CSE1L: variants seen among roughly 807,000 people sequenced by gnomAD.
CSE1L encodes exportin-2.
In CSE1L, 24 loss-of-function variants were observed where a neutral mutation model predicts 120.4. That is an observed-to-expected ratio of 0.20 (90% CI 0.14 to 0.28). CSE1L has a LOEUF of 0.28. Ranked by LOEUF, CSE1L falls within the 10% of genes least tolerant of loss-of-function variation. CSE1L has a pLI of 1.00. For missense variants in CSE1L, 830 were observed against 1,145.2 expected (o/e 0.72, Z 3.97); for synonymous variants, 402 against 398.3 (o/e 1.01, Z -0.11).
At chr20:49,073,350 G>A (rs1427616056) in intron 10 of CSE1L, among the ~76,000 whole-genome samples, 2 of 152,114 alleles carry the variant, frequency 1.3e-5, no homozygotes, top group Non-Finnish European at 2.9e-5. Flanking sequence ...GAATAGAAAT[G>A]ATAACTTTAT....
intron 13 of CSE1L, among the ~76,000 whole-genome samples, chr20:49,078,173 T>C (rs1830018415): frequency 6.6e-6 from 1 of 152,194 alleles, no homozygotes; most frequent in Non-Finnish European, 1.5e-5. Context: ...TCAAGAATTA[T>C]TAACATTTGG....
chr20:49,063,264 C>A lies in CSE1L; in HGVS notation c.148C>A (p.Leu50Met). 1 of 1,591,658 alleles carries A rather than the reference C, an allele frequency of 6.3e-7. No individual in the cohort carries two copies. Among genetic ancestry groups the A allele is most frequent in the Non-Finnish European group, 8.6e-7 (1 of 1,167,528 alleles). Reference sequence around the variant, plus strand: ...TTATCCACTGTTGCTTTTGACATTACTGGAGAAGTCCCAGGATAATGTTAT... The same window carrying A: ...TTATCCACTGTTGCTTTTGACATTAATGGAGAAGTCCCAGGATAATGTTAT... ...QNYPLLLLTL[L>M]EKSQDNVIKV... Residue 50 changes from leucine (L) to methionine (M), a missense_variant, in exon 3 of 25, where the codon CTG becomes ATG. Leu to Met is a conservative substitution (Grantham distance 15). Around this residue, in one of 4 missense-constraint regions of CSE1L, gnomAD observed 543 missense variants for 640.2 expected, o/e 0.85. Coordinates refer to ENST00000262982, the MANE Select transcript of CSE1L (RefSeq NM_001316.4).
rs529576027 is a variant in CSE1L, at chr20:49,076,926, A to G, written c.1336-54A>G. 9.9e-6 allele frequency: 11 copies of G among 1,108,932 alleles called. No individual in the cohort carries two copies. The African/African-American group carries it at 1.6e-4, about 16-fold the overall frequency. The allele number at this position is 1,108,932 out of a possible 1,614,324, so 68.7% of individuals were successfully genotyped here. A position where few individuals can be genotyped will look rare whatever the true frequency, so the allele number is the denominator to read the frequency against. ...TAAAATTGCCTGAATTTCTAATGTGATAGATATATACAGGTATTTTGTTAT... is the reference window on the plus strand; with the variant it reads ...TAAAATTGCCTGAATTTCTAATGTGGTAGATATATACAGGTATTTTGTTAT... On this transcript the variant is annotated intron_variant, in intron 12 of 24. Transcript: ENST00000262982.
chr20:49,062,556 C>T lies in CSE1L; in HGVS notation c.86-646C>T, dbSNP rs79148147. ...GAAGTTTTTAGGTTTTTTTTTAGTTCGACAAGAAAGCTTAGGGCTGGTAAG... is the reference window on the plus strand; with the variant it reads ...GAAGTTTTTAGGTTTTTTTTTAGTTTGACAAGAAAGCTTAGGGCTGGTAAG... On this transcript the variant is annotated intron_variant, in intron 2 of 24. Transcript: ENST00000262982. Among the ~76,000 whole-genome samples the T allele has an allele frequency of 3.9e-3, 588 of 151,276 alleles. 4 individuals are homozygous for T. The highest frequency in any genetic ancestry group is 0.013 in the African/African-American group (530 of 41,222).
intron 1 of CSE1L, among the ~76,000 whole-genome samples, chr20:49,052,199 C>T (rs2091771392): frequency 6.6e-6 from 1 of 152,172 alleles, no homozygotes; most frequent in Admixed American, 6.6e-5. Context: ...CATGTTGTGA[C>T]TTATCCTTTA....
At chr20:49,076,813 G>C (rs949088972) in intron 12 of CSE1L, among the ~76,000 whole-genome samples, 167 bp from the exon 13 acceptor site, 4 of 152,120 alleles carry the variant, frequency 2.6e-5, no homozygotes, top group African/African-American at 9.7e-5. Context: ...TTACAGCCGT[G>C]AGCTCCTGTA....
intron 13 of CSE1L, among the ~76,000 whole-genome samples, chr20:49,078,051 C>G (rs1245342260): frequency 6.6e-6 from 1 of 152,030 alleles, no homozygotes. Context: ...ATGTATTGAT[C>G]TAGATCCAGA....
intron 1 of CSE1L, among the ~76,000 whole-genome samples, chr20:49,048,183 C>A (rs1483415581): frequency 3.5e-5 from 5 of 141,728 alleles, no homozygotes; most frequent in African/African-American, 1.1e-4. Context: ...TTCAGAGGAT[C>A]CTAATGGACC....
At position 49,089,711 on chromosome 20, in the gene CSE1L, T is replaced by C. The variant is rs1464820857; in HGVS notation, c.2146T>C (p.Ser716Pro). The C allele has an allele frequency of 1.9e-6, 3 of 1,614,090 alleles. No homozygotes were observed. In the African/African-American group the frequency reaches 4.0e-5, roughly 22 times the overall value. ...TCTTCAAGCATTCTTAGAACGCGGT[T>C]CAAACACAATAGCAAGTGCTGCAGC... is the stretch of plus-strand genomic sequence containing the variant. ...RLLQAFLERG[S>P]NTIASAAADK... is the part of the protein sequence containing the mutation. Residue 716 changes from serine (S) to proline (P), a missense_variant, in exon 19 of 25, where the codon TCA becomes CCA. This residue lies in a region of CSE1L where 168 missense variants were observed against 267.9 expected (regional missense o/e 0.63). Transcript: ENST00000262982.
Position 49,088,112 on chromosome 20 carries a change from A to AGAGCCAATT in CSE1L, c.1821+7_1821+15dup. ...AGCTATTAGCTGTTAGTAAGGTAAT[A>AGAGCCAATT]GAGCCAATTTTGAAAGTGGGGTTCC... On this transcript the variant is annotated splice_region_variant and intron_variant, in intron 17 of 24. Transcript: ENST00000262982. 1 of 1,591,610 alleles carries AGAGCCAATT rather than the reference A, an allele frequency of 6.3e-7. No individual in the cohort carries two copies.
At chr20:49,085,051 T>C (rs2092044125) in intron 15 of CSE1L, among the ~76,000 whole-genome samples, 1 of 152,184 alleles carries the variant, frequency 6.6e-6, no homozygotes. Context: ...TCAGATGTTG[T>C]TGGGTTTAGC....
intron 1 of CSE1L, among the ~76,000 whole-genome samples, chr20:49,047,608 G>T (rs1204097662): frequency 1.0e-4 from 8 of 77,628 alleles, no homozygotes; most frequent in African/African-American, 3.7e-4. Context: ...AGAGAGTCTC[G>T]CTCTGCCTCC....
intron 24 of CSE1L, among the ~76,000 whole-genome samples, chr20:49,095,952 A>G (rs528453343): frequency 2.1e-4 from 32 of 152,308 alleles, no homozygotes; most frequent in Middle Eastern, 3.4e-3. Flanking sequence ...ATATATAGAA[A>G]GAGCATAATG....
chr20:49,072,840 G>C, intron 10 of CSE1L, 143 bp downstream of exon 10: 2 of 886,494 alleles, frequency 2.3e-6, no homozygotes, highest in Non-Finnish European at 3.2e-6. Context: ...AGAAAATGTA[G>C]TATCTGTAAT....
chr20:49,052,010 A>C (rs1205938648), intron 1 of CSE1L, among the ~76,000 whole-genome samples: 1 of 152,180 alleles, frequency 6.6e-6, no homozygotes, highest in African/African-American at 2.4e-5. Context: ...CAAATCTAAA[A>C]ATTCACTTTC....
chr20:49,083,765 T>C (rs987854806), intron 14 of CSE1L, among the ~76,000 whole-genome samples: 2 of 152,200 alleles, frequency 1.3e-5, no homozygotes, highest in African/African-American at 4.8e-5. Flanking sequence ...TCTGTGATAT[T>C]ATTATTTTAT....
intron 5 of CSE1L, among the ~76,000 whole-genome samples, 187 bp downstream of exon 5, chr20:49,066,697 G>A (rs2091894939): frequency 6.6e-6 from 1 of 152,008 alleles, no homozygotes. Context: ...TCTATTACCT[G>A]TGAAATACTT....
At chr20:49,090,719 T>G in intron 19 of CSE1L, 23 bp from the exon 20 acceptor site, 1 of 1,582,590 alleles carries the variant, frequency 6.3e-7, no homozygotes, top group Non-Finnish European at 8.7e-7. Flanking sequence ...AACCATTTTC[T>G]GTTGGATCTC....
chr20:49,052,637 G>A (rs966660536), intron 1 of CSE1L, among the ~76,000 whole-genome samples: 1 of 152,090 alleles, frequency 6.6e-6, no homozygotes, highest in African/African-American at 2.4e-5. Context: ...GGTGGTGGTG[G>A]TTGTTTTGGA....
Sources: gnomAD v4.1 joint callset for allele counts (sites outside exome capture counted in the v4.1 genomes callset) on GRCh38, gnomAD v4.1.1 for gene constraint, gnomAD v4.1.1 regional missense constraint, MANE v1.5 for transcripts, NCBI Gene and HGNC (gene_info 2026-07-23, HGNC 2026-07-21) for gene names.